The following SUGCT variants were observed in gnomAD, a reference collection of about 807,000 sequenced individuals.
The protein encoded by SUGCT is succinyl-CoA:glutarate CoA-transferase.
Under a neutral mutation model 55.0 loss-of-function variants are expected in SUGCT, and 41 were observed. The ratio of observed to expected loss-of-function variants is 0.74; its 90% CI spans 0.58 to 0.97. The LOEUF is 0.97. Ranked by LOEUF, SUGCT falls within the 50% of genes least tolerant of loss-of-function variation. SUGCT has a pLI of 0.00. For synonymous variants in SUGCT, 187 were observed against 200.4 expected (o/e 0.93, Z 0.56); for missense variants, 568 against 547.8 (o/e 1.04, Z -0.37).
chr7:40,239,222 A>G (rs992846707), intron 7 of SUGCT, among the ~76,000 whole-genome samples: 14 of 152,100 alleles, frequency 9.2e-5, no homozygotes, highest in African/African-American at 3.4e-4. Context: ...CTTGGACTAC[A>G]GGTGTGTGGC....
the SUGCT span, among the ~76,000 whole-genome samples, chr7:40,866,656 C>T: frequency 6.6e-6 from 1 of 151,726 alleles, no homozygotes; most frequent in Non-Finnish European, 1.5e-5. Context: ...CCGAAGTAGC[C>T]AGTGACTTGG....
chr7:40,864,264 C>G (rs1040488510), downstream of SUGCT, among the ~76,000 whole-genome samples: 1 of 152,114 alleles, frequency 6.6e-6, no homozygotes, highest in African/African-American at 2.4e-5. Context: ...TCAAGTGATT[C>G]TTATGCCTCA....
chr7:40,540,592 T>A (rs1446355607), intron 12 of SUGCT, among the ~76,000 whole-genome samples: 1 of 152,210 alleles, frequency 6.6e-6, no homozygotes, highest in African/African-American at 2.4e-5. Context: ...CTACTTACTC[T>A]CTGGGGTATA....
chr7:40,511,117 A>G (rs1309291883), intron 12 of SUGCT, among the ~76,000 whole-genome samples: 1 of 152,166 alleles, frequency 6.6e-6, no homozygotes, highest in East Asian at 1.9e-4. Flanking sequence ...GTCATTACAG[A>G]GGAAAAAGTA....
intron 7 of SUGCT, among the ~76,000 whole-genome samples, chr7:40,244,488 G>A (rs1789681423): frequency 6.6e-6 from 1 of 152,174 alleles, no homozygotes; most frequent in Admixed American, 6.5e-5. Context: ...TAAAGAAGTT[G>A]GGAGGTTGTT....
intron 12 of SUGCT, among the ~76,000 whole-genome samples, chr7:40,520,530 G>A (rs191639862): frequency 2.0e-5 from 3 of 152,192 alleles, no homozygotes; most frequent in Non-Finnish European, 2.9e-5. Context: ...TATTTTAAGC[G>A]AAACTTCTAC....
rs944830783 is a variant in SUGCT at position 40,452,082 on chromosome 7, G to A, written c.888+2724G>A. On this transcript the variant is annotated intron_variant, in intron 10 of 13. Transcript: ENST00000335693. ...TTCCCAAAATAGAATTGATATAGTG[G>A]TTGATTGATAATTCTTGGGGAGGAG... Among the ~76,000 whole-genome samples the A allele has an allele frequency of 3.3e-5, 5 of 152,198 alleles. No homozygotes were observed. In the East Asian group the frequency reaches 9.6e-4, roughly 29 times the overall value.
chr7:40,150,569 G>A (rs1468434411), intron 1 of SUGCT, among the ~76,000 whole-genome samples: 1 of 152,180 alleles, frequency 6.6e-6, no homozygotes, highest in East Asian at 1.9e-4. Context: ...CTACTCGGGA[G>A]GCTGAGGCAG....
chr7:40,402,951 C>T (rs111299781), intron 9 of SUGCT, among the ~76,000 whole-genome samples: 2 of 152,160 alleles, frequency 1.3e-5, no homozygotes, highest in Non-Finnish European at 2.9e-5. Flanking sequence ...TACTGGAAAC[C>T]TCGTGTTGCA....
At chr7:40,549,520 A>G (rs1178668420) in intron 12 of SUGCT, among the ~76,000 whole-genome samples, 2 of 152,198 alleles carry the variant, frequency 1.3e-5, no homozygotes, top group African/African-American at 4.8e-5. Context: ...TAGTGTGAAC[A>G]TTGGACACAC....
intron 11 of SUGCT, among the ~76,000 whole-genome samples, chr7:40,478,630 C>G (rs527921100): frequency 1.7e-4 from 26 of 152,078 alleles, no homozygotes; most frequent in Non-Finnish European, 3.7e-4. Context: ...CACAATCAAG[C>G]TAATATACAC....
chr7:41,016,531 C>G, the SUGCT span, among the ~76,000 whole-genome samples: 3 of 151,924 alleles, frequency 2.0e-5, no homozygotes, highest in South Asian at 4.2e-4. Context: ...ATTACAACAA[C>G]GTGGTGGAAA....
intron 13 of SUGCT, among the ~76,000 whole-genome samples, chr7:40,857,790 T>C (rs570443905): frequency 1.3e-5 from 2 of 152,340 alleles, no homozygotes; most frequent in South Asian, 4.1e-4. Context: ...CCAGAATAGA[T>C]AAATCCATAG....
intron 12 of SUGCT, among the ~76,000 whole-genome samples, chr7:40,534,082 A>G (rs1794232833): frequency 6.6e-6 from 1 of 152,150 alleles, no homozygotes; most frequent in African/African-American, 2.4e-5. Flanking sequence ...AATTTTTAGG[A>G]AAATAACTTT....
At chr7:40,270,383 A>G (rs1422063780) in intron 7 of SUGCT, among the ~76,000 whole-genome samples, 1 of 152,120 alleles carries the variant, frequency 6.6e-6, no homozygotes, top group Non-Finnish European at 1.5e-5. Context: ...CTTTTGTTAT[A>G]TAGTTGTAGC....
chr7:40,382,664 T>G lies in SUGCT; in HGVS notation c.816+65809T>G, dbSNP rs187581436. Among the ~76,000 whole-genome samples, 17 of 152,332 alleles carry G rather than the reference T, an allele frequency of 1.1e-4. 1 individual carries two copies. The highest frequency in any genetic ancestry group is 1.0e-3 in the Admixed American group (16 of 15,292). ...CAGCTTATTAAGGCAAATGTATTTG[T>G]GTTAAATAGCAAGGAACTGACCTAA... On this transcript the variant is annotated intron_variant, in intron 9 of 13. Coordinates refer to ENST00000335693, the MANE Select transcript of SUGCT (RefSeq NM_001193313.2).
intron 13 of SUGCT, among the ~76,000 whole-genome samples, chr7:40,836,522 C>A (rs1011734214): frequency 7.2e-5 from 11 of 152,226 alleles, no homozygotes; most frequent in Middle Eastern, 3.4e-3. Flanking sequence ...ACACGTAGAT[C>A]CTTGTGAATA....
At chr7:40,569,568 T>C (rs763006824) in intron 12 of SUGCT, among the ~76,000 whole-genome samples, 8 of 152,138 alleles carry the variant, frequency 5.3e-5, no homozygotes, top group Non-Finnish European at 8.8e-5. Context: ...CCAGGTTGAA[T>C]TGGCACAGCT....
the SUGCT span, among the ~76,000 whole-genome samples, chr7:40,913,218 G>T: frequency 0.16 from 24,271 of 151,898 alleles, 2,337 homozygotes; most frequent in African/African-American, 0.28. Context: ...CACCATGTTA[G>T]CCAGGATGGA....
Sources: gnomAD v4.1 joint callset for allele counts (sites outside exome capture counted in the v4.1 genomes callset) on GRCh38, gnomAD v4.1.1 for gene constraint, MANE v1.5 for transcripts, NCBI Gene and HGNC (gene_info 2026-07-23, HGNC 2026-07-21) for gene names.